The following KALRN variants were observed in gnomAD, a reference collection of about 807,000 sequenced individuals.
The protein encoded by KALRN is kalirin RhoGEF kinase.
In KALRN, 70 loss-of-function variants were observed where a neutral mutation model predicts 353.7. The observed-to-expected ratio is 0.20, with a 90% CI of 0.16 to 0.24. The LOEUF (loss-of-function observed/expected upper bound fraction) is 0.24, where lower values mean the gene tolerates loss of function less well. Among genes scored for constraint, KALRN ranks in the 10% least tolerant of loss-of-function variants. The probability of loss-of-function intolerance (pLI) is 1.00; values close to 1 mark genes in which losing one functional copy is unlikely to be tolerated. For missense variants in KALRN, 2,791 were observed against 3,756.7 expected (o/e 0.74, Z 6.72); for synonymous variants, 1,391 against 1,434.8 (o/e 0.97, Z 0.69).
intron 1 of KALRN, among the ~76,000 whole-genome samples, chr3:124,106,854 T>C (rs1168646682): frequency 2.0e-5 from 3 of 150,342 alleles, no homozygotes; most frequent in Non-Finnish European, 4.5e-5. Context: ...AGTCATTGTA[T>C]GTGGACAGAA....
At chr3:124,461,079 C>T (rs2059814743) in intron 23 of KALRN, among the ~76,000 whole-genome samples, 2 of 152,008 alleles carry the variant, frequency 1.3e-5, no homozygotes, top group South Asian at 4.2e-4. Flanking sequence ...CAAACATAGA[C>T]CAAATTTGAC....
At chr3:124,483,720 G>C (rs3755676) in intron 28 of KALRN, among the ~76,000 whole-genome samples, 21,580 of 152,210 alleles carry the variant, frequency 0.14, 2,274 homozygotes, top group East Asian at 0.49. Context: ...TAAAACACAA[G>C]GGTATTCTTA....
Position 124,170,959 on chromosome 3 carries a change from G to A in KALRN, c.74-57031G>A, listed in dbSNP as rs2071721524. On this transcript the variant is annotated intron_variant, in intron 1 of 59. Coordinates refer to ENST00000682506, the MANE Select transcript of KALRN (RefSeq NM_001388419.1). Reference sequence around the variant, plus strand: ...CTCCCAAGTAGCTGGGATTATAAGTGTGTGCCACCATGCCCAGCTAATTTC... The same window carrying A: ...CTCCCAAGTAGCTGGGATTATAAGTATGTGCCACCATGCCCAGCTAATTTC... Among the ~76,000 whole-genome samples, 3 of 142,506 alleles carry A rather than the reference G, an allele frequency of 2.1e-5. No individual in the cohort carries two copies. In the Admixed American group the frequency reaches 2.3e-4, roughly 11 times the overall value. 93.5% of individuals were successfully genotyped at this position (142,506 alleles called of 152,430 possible).
intron 34 of KALRN, among the ~76,000 whole-genome samples, chr3:124,597,446 A>G (rs1281585346): frequency 6.6e-6 from 1 of 152,264 alleles, no homozygotes; most frequent in Non-Finnish European, 1.5e-5. Flanking sequence ...TGATGTGAGC[A>G]TAGCAGCCTG....
chr3:124,045,696 G>T (rs1044488002), intron 1 of KALRN, among the ~76,000 whole-genome samples: 1 of 151,438 alleles, frequency 6.6e-6, no homozygotes, highest in Non-Finnish European at 1.5e-5. Flanking sequence ...AGGCACTGGG[G>T]GTACACAGAC....
intron 34 of KALRN, among the ~76,000 whole-genome samples, chr3:124,597,941 C>T (rs778448724): frequency 2.6e-5 from 4 of 152,076 alleles, no homozygotes; most frequent in South Asian, 2.1e-4. Context: ...AAGTGTAGGA[C>T]GGTCCTGCCC....
intron 34 of KALRN, among the ~76,000 whole-genome samples, chr3:124,608,498 G>A (rs1004795943): frequency 6.6e-6 from 1 of 152,168 alleles, no homozygotes; most frequent in African/African-American, 2.4e-5. Context: ...ACTAGTTGCT[G>A]GAAGTCAGCG....
At chr3:124,207,502 C>G (rs989044897) in intron 1 of KALRN, among the ~76,000 whole-genome samples, 1 of 152,192 alleles carries the variant, frequency 6.6e-6, no homozygotes, top group African/African-American at 2.4e-5. Flanking sequence ...TGGCTATGTC[C>G]TAACCCTAAA....
At chr3:124,232,622 T>A (rs1401681507) in intron 2 of KALRN, among the ~76,000 whole-genome samples, 1 of 152,118 alleles carries the variant, frequency 6.6e-6, no homozygotes, top group Admixed American at 6.5e-5. Context: ...ATTCCTCTCC[T>A]TTTTTCTATA....
At chr3:124,557,911 G>T (rs777691232) in intron 33 of KALRN, among the ~76,000 whole-genome samples, 12 of 152,162 alleles carry the variant, frequency 7.9e-5, no homozygotes, top group Non-Finnish European at 1.6e-4. Flanking sequence ...GGGTAAGGGG[G>T]CTTCTTCACA....
At chr3:124,234,191 T>C (rs1207750530) in intron 2 of KALRN, among the ~76,000 whole-genome samples, 1 of 152,252 alleles carries the variant, frequency 6.6e-6, no homozygotes, top group Admixed American at 6.5e-5. Flanking sequence ...TTGAGCATTC[T>C]GATTTCTGAT....
intron 1 of KALRN, among the ~76,000 whole-genome samples, chr3:124,131,329 G>A (rs1223810005): frequency 1.3e-5 from 2 of 152,148 alleles, no homozygotes; most frequent in Non-Finnish European, 2.9e-5. Flanking sequence ...CTCAGCCCCA[G>A]TTACCAACTG....
chr3:124,072,335 C>T (rs1478988272), intron 1 of KALRN, among the ~76,000 whole-genome samples: 1 of 152,328 alleles, frequency 6.6e-6, no homozygotes, highest in East Asian at 1.9e-4. Context: ...CTGTCTGTCT[C>T]CCTCTTTCCA....
intron 34 of KALRN, among the ~76,000 whole-genome samples, chr3:124,596,421 C>T (rs1178106136): frequency 1.3e-5 from 2 of 151,890 alleles, no homozygotes; most frequent in East Asian, 1.9e-4. Context: ...GAGCCAAAAT[C>T]GCGCCATTGC....
chr3:124,090,576 GA>G (rs2149361242), intron 1 of KALRN, among the ~76,000 whole-genome samples: 1 of 152,338 alleles, frequency 6.6e-6, no homozygotes, highest in African/African-American at 2.4e-5. Context: ...CTTGAGAGGA[GA>G]GAGGCCCCTC....
intron 1 of KALRN, chr3:124,152,153 A>G: frequency 1.4e-6 from 2 of 1,398,578 alleles, no homozygotes; most frequent in Non-Finnish European, 2.0e-6. Context: ...CCTGCAGATG[A>G]TGCAAGAGAT....
intron 45 of KALRN, among the ~76,000 whole-genome samples, chr3:124,664,348 T>TGCGC (rs2085278674): frequency 8.7e-6 from 1 of 114,952 alleles, no homozygotes; most frequent in Non-Finnish European, 1.7e-5. Flanking sequence ...TGTGTGTGTG[T>TGCGC]GTGTGTGTGT....
At chr3:124,051,345 G>A (rs527433008) in intron 1 of KALRN, among the ~76,000 whole-genome samples, 3 of 152,326 alleles carry the variant, frequency 2.0e-5, no homozygotes, top group African/African-American at 7.2e-5. Context: ...GGTTGAGCTA[G>A]GGGCCTTTAG....
intron 10 of KALRN, among the ~76,000 whole-genome samples, chr3:124,369,125 G>T (rs185423036): frequency 6.6e-6 from 1 of 152,306 alleles, no homozygotes; most frequent in Admixed American, 6.5e-5. Flanking sequence ...CTATTTTATT[G>T]TATTTCTCCA....
Sources: allele counts gnomAD v4.1 joint callset (sites outside exome capture counted in the v4.1 genomes callset), GRCh38; gene constraint gnomAD v4.1.1; transcripts MANE v1.5; gene names NCBI Gene and HGNC (gene_info 2026-07-23, HGNC 2026-07-21).